Variants in PTPRK observed in about 807,000 individuals in gnomAD.
The protein encoded by PTPRK is receptor-type tyrosine-protein phosphatase kappa.
PTPRK carries 75 observed loss-of-function variants against 178.0 expected under a neutral mutation model. The ratio of observed to expected loss-of-function variants is 0.42; its 90% CI spans 0.35 to 0.51. The LOEUF (loss-of-function observed/expected upper bound fraction) is 0.51, where lower values mean the gene tolerates loss of function less well. Ranked by LOEUF, PTPRK falls within the 20% of genes least tolerant of loss-of-function variation. The probability of loss-of-function intolerance (pLI) is 0.02; values close to 1 mark genes in which losing one functional copy is unlikely to be tolerated. For synonymous variants in PTPRK, 637 were observed against 620.6 expected, an observed-to-expected ratio of 1.03 and a Z score of -0.39; for missense variants, 1,441 against 1,797.8, an observed-to-expected ratio of 0.80 and a Z score of 3.59.
intron 1 of PTPRK, among the ~76,000 whole-genome samples, chr6:128,493,203 TGGAAA>T (rs1249767726): frequency 6.6e-6 from 1 of 152,156 alleles, no homozygotes; most frequent in African/African-American, 2.4e-5. Flanking sequence ...CACTAAAAAC[TGGAAA>T]TTAAAACTGC....
intron 1 of PTPRK, among the ~76,000 whole-genome samples, chr6:128,424,454 T>C (rs1215154960): frequency 2.0e-5 from 3 of 152,292 alleles, no homozygotes; most frequent in South Asian, 2.1e-4. Flanking sequence ...CTCAGTCGTA[T>C]AAAATCAGAC....
intron 2 of PTPRK, among the ~76,000 whole-genome samples, chr6:128,350,312 G>T (rs1562333392): frequency 6.6e-6 from 1 of 152,180 alleles, no homozygotes; most frequent in Non-Finnish European, 1.5e-5. Flanking sequence ...AGCCTTCAGT[G>T]TTTTGTAAGA....
At chr6:128,317,477 A>G (rs888212940) in intron 3 of PTPRK, among the ~76,000 whole-genome samples, 1 of 152,014 alleles carries the variant, frequency 6.6e-6, no homozygotes, top group East Asian at 1.9e-4. Context: ...TGGTAGATAT[A>G]TATTTTTTTA....
At chr6:128,295,761 A>G (rs1409944335) in intron 3 of PTPRK, among the ~76,000 whole-genome samples, 1 of 152,096 alleles carries the variant, frequency 6.6e-6, no homozygotes, top group Admixed American at 6.6e-5. Flanking sequence ...ACAAAGCTTG[A>G]TTCTCCAAAA....
At chr6:128,304,579 T>G (rs1826103221) in intron 3 of PTPRK, among the ~76,000 whole-genome samples, 1 of 152,190 alleles carries the variant, frequency 6.6e-6, no homozygotes, top group East Asian at 1.9e-4. Flanking sequence ...GTCTCTAAAA[T>G]CTGGTTGTTA....
chr6:128,075,720 C>G (rs1419703151), intron 11 of PTPRK, among the ~76,000 whole-genome samples: 1 of 152,030 alleles, frequency 6.6e-6, no homozygotes, highest in Non-Finnish European at 1.5e-5. Flanking sequence ...GCGATTTTAG[C>G]TTTCCTAATA....
At chr6:128,124,399 A>G (rs1251851142) in intron 7 of PTPRK, among the ~76,000 whole-genome samples, 1 of 152,138 alleles carries the variant, frequency 6.6e-6, no homozygotes, top group Non-Finnish European at 1.5e-5. Context: ...TCATATAAAC[A>G]TATCTGTTTA....
At chr6:128,419,517 G>A (rs1456098544) in intron 1 of PTPRK, among the ~76,000 whole-genome samples, 1 of 151,942 alleles carries the variant, frequency 6.6e-6, no homozygotes. Context: ...GCTGAGGCAG[G>A]AGAATGGCGT....
At chr6:128,388,620 C>T (rs1839111141) in intron 2 of PTPRK, among the ~76,000 whole-genome samples, 2 of 152,162 alleles carry the variant, frequency 1.3e-5, no homozygotes, top group South Asian at 4.1e-4. Context: ...AAGGTTAAAT[C>T]CTTATCCTAT....
chr6:128,051,189 T>C (rs537571000), intron 13 of PTPRK, among the ~76,000 whole-genome samples: 2 of 152,196 alleles, frequency 1.3e-5, no homozygotes, highest in Non-Finnish European at 2.9e-5. Context: ...TCTAGAAATG[T>C]ATTCTTTCTT....
At chr6:128,080,070 C>A (rs1015752868) in intron 10 of PTPRK, among the ~76,000 whole-genome samples, 1 of 151,406 alleles carries the variant, frequency 6.6e-6, no homozygotes, top group Admixed American at 6.6e-5. Context: ...GGGATGAAAC[C>A]AGAAGGCTCA....
chr6:128,335,843 G>A (rs1830851398), intron 2 of PTPRK, among the ~76,000 whole-genome samples: 1 of 151,860 alleles, frequency 6.6e-6, no homozygotes, highest in Non-Finnish European at 1.5e-5. Flanking sequence ...TTAACTTAAG[G>A]CAGCTTTAAT....
At chr6:128,187,557 GC>G (rs1409613529) in intron 6 of PTPRK, among the ~76,000 whole-genome samples, 1 of 152,074 alleles carries the variant, frequency 6.6e-6, no homozygotes, top group Admixed American at 6.6e-5. Flanking sequence ...GTTCTGTTTT[GC>G]CATATAGCAT....
intron 11 of PTPRK, among the ~76,000 whole-genome samples, chr6:128,076,717 T>C (rs553268332): frequency 6.6e-5 from 10 of 152,220 alleles, no homozygotes; most frequent in African/African-American, 2.4e-4. Flanking sequence ...GTGTTTCTAA[T>C]TGGTCTTTAG....
intron 26 of PTPRK, 42 bp downstream of exon 26, chr6:127,976,881 A>C (rs756900069): frequency 6.2e-7 from 1 of 1,612,042 alleles, no homozygotes; most frequent in South Asian, 1.1e-5. Flanking sequence ...CTACTCTATT[A>C]AGTTGTATAT....
At chr6:128,361,969 T>C (rs867679393) in intron 2 of PTPRK, among the ~76,000 whole-genome samples, 12 of 152,200 alleles carry the variant, frequency 7.9e-5, no homozygotes, top group African/African-American at 2.7e-4. Flanking sequence ...ACAAACCAGA[T>C]TTGCACTAAT....
chr6:128,082,755 TTTC>T (rs1785050577), intron 9 of PTPRK, 117 bp from the exon 10 acceptor site: 6 of 666,920 alleles, frequency 9.0e-6, no homozygotes, highest in Non-Finnish European at 1.2e-5. Context: ...TGGTAATTTT[TTTC>T]TTCTTTTCTT....
intron 2 of PTPRK, among the ~76,000 whole-genome samples, chr6:128,384,844 G>A (rs1286193166): frequency 6.6e-6 from 1 of 151,328 alleles, no homozygotes; most frequent in African/African-American, 2.4e-5. Context: ...ATAACAAATT[G>A]ATCTTAGTAT....
rs530940228 is a variant in PTPRK, at chr6:128,116,306, T to C, written c.1163-26314A>G. Among the ~76,000 whole-genome samples the C allele has an allele frequency of 3.3e-5, 5 of 152,302 alleles. No homozygotes were observed. In the South Asian group the frequency reaches 6.2e-4, roughly 19 times the overall value. On this transcript the variant is annotated intron_variant, in intron 7 of 29. Transcript: ENST00000368226. ...ATTTAGAATTAATTAGTTTTATCTA[T>C]ACTTAATATTTGAAATGTAGTACAG...
Sources: allele counts gnomAD v4.1 joint callset (sites outside exome capture counted in the v4.1 genomes callset), GRCh38; gene constraint gnomAD v4.1.1; transcripts MANE v1.5; gene names NCBI Gene and HGNC (gene_info 2026-07-23, HGNC 2026-07-21).